Variants in PJA2 observed in about 807,000 individuals in gnomAD.
PJA2 encodes the protein praja ring finger ubiquitin ligase 2.
A neutral mutation model predicts 69.3 loss-of-function variants in PJA2; 25 were observed. That is an observed-to-expected ratio of 0.36 (90% confidence interval 0.26 to 0.50). The LOEUF (loss-of-function observed/expected upper bound fraction) is 0.50. Among genes scored for constraint, PJA2 ranks in the 20% least tolerant of loss-of-function variants. The pLI is 0.96. For synonymous variants in PJA2, 308 were observed against 277.8 expected (o/e 1.11, Z -1.08); for missense variants, 809 against 830.2 (o/e 0.97, Z 0.31).
At chr5:109,339,762 C>T (rs1421360183) in intron 9 of PJA2, among the ~76,000 whole-genome samples, 1 of 151,978 alleles carries the variant, frequency 6.6e-6, no homozygotes, top group East Asian at 1.9e-4. Flanking sequence ...TATATGTTTA[C>T]TATGTGCCAA....
intron 4 of PJA2, among the ~76,000 whole-genome samples, chr5:109,370,138 T>C (rs960410211): frequency 6.6e-6 from 1 of 152,144 alleles, no homozygotes; most frequent in Non-Finnish European, 1.5e-5. Context: ...ATTAGTCCTC[T>C]TATGCTACCA....
At chr5:109,338,193 T>C (rs895809443) in intron 9 of PJA2, among the ~76,000 whole-genome samples, 1 of 152,164 alleles carries the variant, frequency 6.6e-6, no homozygotes, top group Non-Finnish European at 1.5e-5. Flanking sequence ...GAACTGTATC[T>C]TGGGAACATT....
chr5:109,409,427 T>A (rs188168191), intron 1 of PJA2: 1 of 152,086 alleles, frequency 6.6e-6, no homozygotes, highest in Admixed American at 6.6e-5. Context: ...CCGCAGAAGG[T>A]GGGTGTGAGG....
At chr5:109,392,417 C>T (rs111896722) in intron 1 of PJA2, among the ~76,000 whole-genome samples, 29 of 151,808 alleles carry the variant, frequency 1.9e-4, no homozygotes, top group Non-Finnish European at 3.5e-4. Context: ...AAAAATTTGC[C>T]GCGCATGGTG....
chr5:109,348,140 G>C (rs760724558), intron 7 of PJA2, among the ~76,000 whole-genome samples: 40 of 152,290 alleles, frequency 2.6e-4, no homozygotes, highest in Middle Eastern at 3.4e-3. Flanking sequence ...ACTGAAGCAT[G>C]TGTCTTGAAA....
In PJA2 at chr5:109,336,126, T is replaced by A. The variant is rs1246365528; in HGVS notation, c.*1105A>T. The A allele has an allele frequency of 2.0e-5, 3 of 152,556 alleles. No homozygotes were observed. Among genetic ancestry groups the A allele is most frequent in the Non-Finnish European group, 4.4e-5 (3 of 68,026 alleles). The allele number at this position is 152,556 out of a possible 1,614,324, so 9.5% of individuals were successfully genotyped here. On this transcript the variant is annotated 3_prime_UTR_variant, in exon 10 of 10. Coordinates refer to ENST00000361189, the MANE Select transcript of PJA2 (RefSeq NM_014819.5). Reference sequence around the variant, plus strand: ...ATGTGCCCAAACTAAATTATCAATGTACCAGTTAGACGGACATACACTCAC... The same window carrying A: ...ATGTGCCCAAACTAAATTATCAATGAACCAGTTAGACGGACATACACTCAC...
At chr5:109,380,090 T>C (rs984615058) in intron 3 of PJA2, among the ~76,000 whole-genome samples, 1 of 134,178 alleles carries the variant, frequency 7.5e-6, no homozygotes, top group African/African-American at 2.8e-5. Flanking sequence ...AGGGTTCTTT[T>C]TTTTTTTTTT....
chr5:109,339,382 T>C (rs1040286076), intron 9 of PJA2, among the ~76,000 whole-genome samples: 1 of 152,176 alleles, frequency 6.6e-6, no homozygotes, highest in Non-Finnish European at 1.5e-5. Context: ...AGCCCTGACT[T>C]GACCACTACA....
intron 1 of PJA2, among the ~76,000 whole-genome samples, chr5:109,388,015 G>C (rs899608828): frequency 6.6e-6 from 1 of 152,174 alleles, no homozygotes; most frequent in Non-Finnish European, 1.5e-5. Context: ...CTTCATTTAG[G>C]CAAGTTAATA....
chr5:109,399,442 G>T (rs1376384540), intron 1 of PJA2, among the ~76,000 whole-genome samples: 1 of 152,058 alleles, frequency 6.6e-6, no homozygotes, highest in African/African-American at 2.4e-5. Flanking sequence ...CTGAGGTATG[G>T]GCACACAGAG....
At chr5:109,360,912 G>C (rs1161133458) in intron 6 of PJA2, among the ~76,000 whole-genome samples, 1 of 152,138 alleles carries the variant, frequency 6.6e-6, no homozygotes, top group African/African-American at 2.4e-5. Context: ...TGGATCACTT[G>C]AGGTCAGGAA....
chr5:109,377,905 T>C (rs910500812), intron 4 of PJA2, among the ~76,000 whole-genome samples: 2 of 152,126 alleles, frequency 1.3e-5, no homozygotes, highest in African/African-American at 2.4e-5. Flanking sequence ...ATACAACAAA[T>C]GTTTATTTTA....
chr5:109,343,340 T>G (rs1270959554), intron 9 of PJA2, among the ~76,000 whole-genome samples: 2 of 32,180 alleles, frequency 6.2e-5, no homozygotes, highest in African/African-American at 3.0e-4. Flanking sequence ...TAAAGAGAGA[T>G]AATGTACCAT....
chr5:109,367,141 A>C (rs1232712694), intron 5 of PJA2, among the ~76,000 whole-genome samples: 1 of 144,486 alleles, frequency 6.9e-6, no homozygotes, highest in Non-Finnish European at 1.5e-5. Flanking sequence ...CTCAAAAAAA[A>C]AAATATATAT....
Position 109,391,765 on chromosome 5 carries a change from T to C in PJA2, c.-87-8245A>G, listed in dbSNP as rs114895278. The stretch of plus-strand genomic sequence containing the variant: ...AAGTTCTATAGTGATAACTTTTAGA[T>C]GGTTGACAGATACAAAGTCAATATA... On this transcript the variant is annotated intron_variant, in intron 1 of 9. Coordinates refer to ENST00000361189, the MANE Select transcript of PJA2 (RefSeq NM_014819.5). Among the ~76,000 whole-genome samples the C allele has an allele frequency of 7.0e-3, 1,060 of 152,292 alleles. 12 individuals are homozygous for C. The highest frequency in any genetic ancestry group is 0.024 in the African/African-American group (1,002 of 41,564).
rs1442478286 is a variant in PJA2 at position 109,398,185 on chromosome 5, A to ATTC, written c.-88+11656_-88+11657insGAA. ...CTGGAGAGGATGTGGAGAAATAGGAACACTAGTTCAACCATTGTGGAAGAC... is the reference window on the plus strand; with the variant it reads ...CTGGAGAGGATGTGGAGAAATAGGAATTCCACTAGTTCAACCATTGTGGAAGAC... On this transcript the variant is annotated intron_variant, in intron 1 of 9. Coordinates refer to ENST00000361189, the MANE Select transcript of PJA2 (RefSeq NM_014819.5). 3.3e-5 allele frequency among the ~76,000 whole-genome samples: 5 copies of ATTC among 152,344 alleles called. No homozygotes were observed. The East Asian group carries it at 9.6e-4, about 29-fold the overall frequency.
intron 9 of PJA2, among the ~76,000 whole-genome samples, chr5:109,342,043 G>A (rs1256410570): frequency 2.2e-5 from 3 of 139,026 alleles, no homozygotes; most frequent in African/African-American, 7.9e-5. Flanking sequence ...CCGTCCGGGA[G>A]GGAGGTGGGG....
intron 4 of PJA2, 121 bp downstream of exon 4, chr5:109,378,083 T>C: frequency 1.5e-6 from 1 of 682,942 alleles, no homozygotes; most frequent in South Asian, 2.1e-5. Context: ...ATAAAAATAT[T>C]TGGTAAGTCA....
intron 1 of PJA2, among the ~76,000 whole-genome samples, chr5:109,392,004 T>C (rs1465383075): frequency 1.3e-5 from 2 of 152,220 alleles, no homozygotes; most frequent in African/African-American, 4.8e-5. Context: ...TTCAGTTTTA[T>C]GAATTTCAAT....
Sources: gnomAD v4.1 joint callset for allele counts (sites outside exome capture counted in the v4.1 genomes callset) on GRCh38, gnomAD v4.1.1 for gene constraint, MANE v1.5 for transcripts, NCBI Gene and HGNC (gene_info 2026-07-23, HGNC 2026-07-21) for gene names.